The following GALNT13 variants were observed in gnomAD, a reference collection of about 807,000 sequenced individuals.
The protein encoded by GALNT13 is polypeptide N-acetylgalactosaminyltransferase 13.
GALNT13 carries 28 observed loss-of-function variants against 64.2 expected under a neutral mutation model. The observed-to-expected ratio is 0.44, with a 90% CI of 0.32 to 0.60. The LOEUF (loss-of-function observed/expected upper bound fraction) is 0.60. GALNT13 is among the 20% of genes least tolerant of loss of function. The pLI, the probability that GALNT13 is intolerant of heterozygous loss-of-function variation, is 0.05. For missense variants in GALNT13, 577 were observed against 669.8 expected, an observed-to-expected ratio of 0.86 and a Z score of 1.53; for synonymous variants, 214 against 224.6, an observed-to-expected ratio of 0.95 and a Z score of 0.42.
the GALNT13 span, among the ~76,000 whole-genome samples, chr2:153,731,300 T>A: frequency 2.0e-5 from 3 of 151,832 alleles, no homozygotes; most frequent in Non-Finnish European, 2.9e-5. Context: ...AGCTAAGTGA[T>A]GTGTACACGT....
At chr2:154,239,569 G>A (rs560195034) in intron 4 of GALNT13, among the ~76,000 whole-genome samples, 7 of 152,232 alleles carry the variant, frequency 4.6e-5, no homozygotes, top group African/African-American at 1.7e-4. Flanking sequence ...TTTATTTAGT[G>A]ATGAGCTACT....
At chr2:153,455,440 G>A in the GALNT13 span, among the ~76,000 whole-genome samples, 1 of 152,164 alleles carries the variant, frequency 6.6e-6, no homozygotes, top group Non-Finnish European at 1.5e-5. Flanking sequence ...GAATGAGTGC[G>A]GGAACGAGTG....
chr2:154,054,857 A>G (rs915704797), intron 3 of GALNT13, among the ~76,000 whole-genome samples: 6 of 152,044 alleles, frequency 3.9e-5, no homozygotes, highest in African/African-American at 1.4e-4. Context: ...ATAAAATAAG[A>G]AATTATGAAT....
intron 4 of GALNT13, among the ~76,000 whole-genome samples, chr2:154,151,841 G>T (rs950726504): frequency 2.1e-4 from 32 of 152,218 alleles, no homozygotes; most frequent in Non-Finnish European, 3.5e-4. Context: ...TGTGAGATGG[G>T]TTTCCTGAAT....
intron 4 of GALNT13, among the ~76,000 whole-genome samples, chr2:154,156,037 C>T (rs1010624075): frequency 4.0e-5 from 6 of 149,096 alleles, no homozygotes; most frequent in Non-Finnish European, 8.9e-5. Context: ...TAACATAAAG[C>T]ATTCTTTCTA....
chr2:153,157,867 T>C, the GALNT13 span, among the ~76,000 whole-genome samples: 1 of 152,198 alleles, frequency 6.6e-6, no homozygotes, highest in Non-Finnish European at 1.5e-5. Flanking sequence ...GTGGTAAATA[T>C]ATCTTTTCCT....
intron 9 of GALNT13, among the ~76,000 whole-genome samples, chr2:154,330,279 C>G (rs1228265412): frequency 6.6e-6 from 1 of 152,102 alleles, no homozygotes; most frequent in African/African-American, 2.4e-5. Flanking sequence ...GCCTCTATTC[C>G]TGATTGTCGA....
chr2:154,403,970 A>T (rs546634998), intron 10 of GALNT13, among the ~76,000 whole-genome samples: 37 of 152,338 alleles, frequency 2.4e-4, no homozygotes, highest in Middle Eastern at 3.4e-3. Flanking sequence ...AGGTTGGCAC[A>T]TACAATTCAA....
chr2:153,540,285 G>A, the GALNT13 span, among the ~76,000 whole-genome samples: 1 of 152,212 alleles, frequency 6.6e-6, no homozygotes, highest in Non-Finnish European at 1.5e-5. Flanking sequence ...CTTCCATATG[G>A]TATTGGTCCT....
At chr2:153,360,247 T>G in the GALNT13 span, among the ~76,000 whole-genome samples, 3 of 152,286 alleles carry the variant, frequency 2.0e-5, no homozygotes, top group South Asian at 2.1e-4. Context: ...CTACCCAGCC[T>G]GGGAAGCCCT....
At chr2:153,812,779 G>A in the GALNT13 span, among the ~76,000 whole-genome samples, 2 of 152,078 alleles carry the variant, frequency 1.3e-5, no homozygotes, top group Non-Finnish European at 2.9e-5. Context: ...GACCACACTG[G>A]TGATTGCTCT....
chr2:153,866,814 T>C, the GALNT13 span, among the ~76,000 whole-genome samples: 1 of 152,216 alleles, frequency 6.6e-6, no homozygotes, highest in Non-Finnish European at 1.5e-5. Flanking sequence ...AATGATTGTG[T>C]AATAGGTTTA....
At chr2:153,725,034 T>G in the GALNT13 span, among the ~76,000 whole-genome samples, 1 of 150,502 alleles carries the variant, frequency 6.6e-6, no homozygotes. Context: ...TTATTCACAA[T>G]AGCAAAGACT....
chr2:153,096,743 C>G, the GALNT13 span, among the ~76,000 whole-genome samples: 31 of 152,156 alleles, frequency 2.0e-4, no homozygotes, highest in East Asian at 5.4e-3. Flanking sequence ...TATTTTCAAT[C>G]TGTGTATGTC....
the GALNT13 span, among the ~76,000 whole-genome samples, chr2:153,552,479 G>A: frequency 1.3e-5 from 2 of 151,738 alleles, no homozygotes; most frequent in African/African-American, 4.8e-5. Flanking sequence ...CCACCTTAAT[G>A]TGAGGAGGGT....
At chr2:153,151,711 T>C in the GALNT13 span, among the ~76,000 whole-genome samples, 1 of 152,144 alleles carries the variant, frequency 6.6e-6, no homozygotes, top group African/African-American at 2.4e-5. Context: ...ACCATCATTC[T>C]CAGCAAACTA....
intron 4 of GALNT13, among the ~76,000 whole-genome samples, chr2:154,212,368 C>T (rs759991068): frequency 2.0e-5 from 3 of 151,840 alleles, no homozygotes; most frequent in Non-Finnish European, 1.5e-5. Context: ...CCTCAGCCCC[C>T]GAGTAGCTGA....
intron 3 of GALNT13, among the ~76,000 whole-genome samples, chr2:154,042,458 G>GTT (rs1558926180): frequency 4.3e-5 from 6 of 139,458 alleles, no homozygotes. Flanking sequence ...TTATAATTTG[G>GTT]TTTTATTTGT....
At chr2:153,409,273 C>A in the GALNT13 span, among the ~76,000 whole-genome samples, 1 of 126,046 alleles carries the variant, frequency 7.9e-6, no homozygotes, top group Non-Finnish European at 1.7e-5. Flanking sequence ...AACTCCCTTT[C>A]ATATATATAT....
Sources: gnomAD v4.1 joint callset for allele counts (sites outside exome capture counted in the v4.1 genomes callset) on GRCh38, gnomAD v4.1.1 for gene constraint, MANE v1.5 for transcripts, NCBI Gene and HGNC (gene_info 2026-07-23, HGNC 2026-07-21) for gene names.